ATAD3B: variants seen among roughly 807,000 people sequenced by gnomAD.
ATAD3B encodes ATPase family AAA domain containing 3B.
A neutral mutation model predicts 70.2 loss-of-function variants in ATAD3B; 59 were observed. That is an observed-to-expected ratio of 0.84 (90% CI 0.68 to 1.04). ATAD3B has a LOEUF of 1.04. ATAD3B is among the 50% of genes least tolerant of loss of function. ATAD3B has a pLI of 0.00. For synonymous variants in ATAD3B, 423 were observed against 388.6 expected (o/e 1.09, Z -1.04); for missense variants, 961 against 913.4 (o/e 1.05, Z -0.67).
At position 1,490,261 on chromosome 1, in the gene ATAD3B, A is replaced by G. The variant is rs750115246; in HGVS notation, c.1342A>G (p.Met448Val). 6.2e-7 allele frequency: 1 copy of G among 1,612,300 alleles called. No individual in the cohort carries two copies. The highest frequency in any genetic ancestry group is 1.1e-5 in the South Asian group (1 of 90,988). The change falls in exon 14 of 16, where the codon ATG (methionine) becomes GTG (valine). Residue 448 changes from methionine to valine, a missense_variant. Physicochemically the swap from Met to Val is conservative, Grantham distance 21. Around this residue, in one of 4 missense-constraint regions of ATAD3B, gnomAD observed 417 missense variants for 335.0 expected, o/e 1.24. Transcript: ENST00000673477. ...YHMGQHSNKF[M>V]LVLASNLPEQ... The stretch of plus-strand genomic sequence containing the variant: ...TTCCCCATCCCTGTCCTACAGATTC[A>G]TGCTGGTCCTGGCCAGCAATCTGCC...
chr1:1,506,338 G>T, the ATAD3B span, among the ~76,000 whole-genome samples: 1 of 151,816 alleles, frequency 6.6e-6, no homozygotes. Flanking sequence ...AAAATAATTC[G>T]GGTTTTACAG....
rs61777878 is a variant in ATAD3B at position 1,490,031 on chromosome 1, C to G, written c.1338-226C>G. On this transcript the variant is annotated intron_variant, in intron 13 of 15. Transcript: ENST00000673477. ...GTCAGCGGGGAAGTACCACACAGGGCAAGAACAGAGGCCCGAGAAGCCGGG... is the reference window on the plus strand; with the variant it reads ...GTCAGCGGGGAAGTACCACACAGGGGAAGAACAGAGGCCCGAGAAGCCGGG... 7 of 1,387,346 alleles carry G rather than the reference C, an allele frequency of 5.0e-6. No homozygotes were observed. The East Asian group carries it at 1.1e-4, about 22-fold the overall frequency. The allele number at this position is 1,387,346 out of a possible 1,614,324, so 85.9% of individuals were successfully genotyped here.
chr1:1,502,037 C>T (rs1377947362), downstream of ATAD3B, among the ~76,000 whole-genome samples: 1 of 151,898 alleles, frequency 6.6e-6, no homozygotes, highest in Non-Finnish European at 1.5e-5. Flanking sequence ...CACCACCATG[C>T]CCAGCTAGTT....
rs763405304 is a variant in ATAD3B at position 1,480,930 on chromosome 1, C to T, written c.508C>T (p.Arg170Trp). The change falls in exon 5 of 16, where the codon CGG becomes TGG. Residue 170 changes from arginine (R) to tryptophan (W), a missense_variant. By Grantham distance (101) the Arg-to-Trp change is moderately radical. Around this residue, in one of 4 missense-constraint regions of ATAD3B, gnomAD observed 187 missense variants for 244.3 expected, o/e 0.77. Coordinates refer to ENST00000673477, the MANE Select transcript of ATAD3B (RefSeq NM_031921.6). ...GTCCGTGCAGAAGCAGGAAGCCATG[C>T]GGCGAGGTAGGCTGTCTGCTCTCCT... Reference protein sequence around the residue: ...EESVQKQEAMRRATVEREMEL... With the variant: ...EESVQKQEAMWRATVEREMEL... 1.7e-5 allele frequency: 27 copies of T among 1,592,038 alleles called. 1 individual carries two copies. The highest frequency in any genetic ancestry group is 2.2e-5 in the South Asian group (2 of 89,594).
At chr1:1,504,638 G>A in the ATAD3B span, among the ~76,000 whole-genome samples, 1 of 150,060 alleles carries the variant, frequency 6.7e-6, no homozygotes, top group Non-Finnish European at 1.5e-5. Flanking sequence ...CAACAAGAGG[G>A]AAACTCTGTC....
intron 15 of ATAD3B, among the ~76,000 whole-genome samples, chr1:1,494,803 C>T (rs147729394): frequency 0.01 from 1,575 of 152,148 alleles, 19 homozygotes; most frequent in African/African-American, 0.036. Flanking sequence ...TGGTGCACTC[C>T]TGAGCACGGC....
the ATAD3B span, among the ~76,000 whole-genome samples, chr1:1,508,948 G>T: frequency 1.3e-5 from 2 of 151,694 alleles, no homozygotes; most frequent in Non-Finnish European, 2.9e-5. Context: ...GTGAGGCTCC[G>T]CCTTGGGCTT....
At chr1:1,499,586 C>CTTTTTTTT (rs71578322), downstream of ATAD3B, among the ~76,000 whole-genome samples, 5 of 65,772 alleles carry the variant, frequency 7.6e-5, no homozygotes, top group Non-Finnish European at 1.1e-4. Context: ...CCAAACAGCT[C>CTTTTTTTT]TTTTTTTTTT....
chr1:1,490,171 C>G (rs1398174053), intron 13 of ATAD3B, 86 bp from the exon 14 acceptor site: 2 of 1,544,252 alleles, frequency 1.3e-6, no homozygotes, highest in East Asian at 4.5e-5. Context: ...CAAAAAGTCT[C>G]CCCGAGGGGG....
rs902434978 is a variant in ATAD3B, at chr1:1,496,197, G to A, written c.*380G>A. 20 of 1,019,176 alleles carry A rather than the reference G, an allele frequency of 2.0e-5. No individual in the cohort carries two copies. The African/African-American group carries it at 2.9e-4, about 15-fold the overall frequency. The allele number at this position is 1,019,176 out of a possible 1,614,324, so 63.1% of individuals were successfully genotyped here. On this transcript the variant is annotated 3_prime_UTR_variant, in exon 16 of 16. Transcript: ENST00000673477. ...GTTTATCTAATAAAGTCCCACAGGT[G>A]CCTCACCGCCGTGTCTCTCTATTGA...
chr1:1,483,853 C>T (rs1640056718), intron 7 of ATAD3B: 1 of 152,216 alleles, frequency 6.6e-6, no homozygotes, highest in South Asian at 2.1e-4. Flanking sequence ...TCAGGTGACA[C>T]CGTCTCACCA....
downstream of ATAD3B, among the ~76,000 whole-genome samples, chr1:1,498,529 G>A (rs1275777385): frequency 6.6e-6 from 1 of 151,662 alleles, no homozygotes; most frequent in Non-Finnish European, 1.5e-5. Flanking sequence ...TGGGGATGGG[G>A]TCGGTGGGTG....
chr1:1,502,692 A>C (rs925356820), downstream of ATAD3B, among the ~76,000 whole-genome samples: 1 of 146,608 alleles, frequency 6.8e-6, no homozygotes, highest in Non-Finnish European at 1.5e-5. Context: ...TTTGTATTTT[A>C]GTAGAGACCG....
chr1:1,474,996 C>G (rs1403417768), intron 1 of ATAD3B, among the ~76,000 whole-genome samples: 10 of 149,180 alleles, frequency 6.7e-5, no homozygotes, highest in African/African-American at 2.0e-4. Flanking sequence ...CTTCCAGAAG[C>G]TGAATCGTAG....
intron 1 of ATAD3B, among the ~76,000 whole-genome samples, chr1:1,476,436 AAG>A (rs1639592810): frequency 6.6e-6 from 1 of 151,496 alleles, no homozygotes; most frequent in Non-Finnish European, 1.5e-5. Flanking sequence ...CTGCGGGAGG[AAG>A]AGAGACGGGA....
chr1:1,499,003 A>C (rs570788882), downstream of ATAD3B, among the ~76,000 whole-genome samples: 53 of 146,236 alleles, frequency 3.6e-4, no homozygotes, highest in African/African-American at 1.3e-3. Flanking sequence ...ACAGAGTCTC[A>C]TGCTGTCGCC....
the ATAD3B span, among the ~76,000 whole-genome samples, chr1:1,507,160 G>A: frequency 1.3e-5 from 2 of 152,134 alleles, no homozygotes; most frequent in Non-Finnish European, 2.9e-5. Flanking sequence ...TCCCTTTTCA[G>A]TTTGGATGAC....
chr1:1,484,856 G>A, intron 7 of ATAD3B, 160 bp from the exon 8 acceptor site: 1 of 1,415,590 alleles, frequency 7.1e-7, no homozygotes, highest in South Asian at 1.5e-5. Flanking sequence ...CCGCGTGGCT[G>A]TGGGATTCGG....
chr1:1,501,556 A>C (rs1001606995), downstream of ATAD3B, among the ~76,000 whole-genome samples: 11 of 151,554 alleles, frequency 7.3e-5, no homozygotes, highest in African/African-American at 2.7e-4. Flanking sequence ...TGCCCGGCCT[A>C]ATTTTTGTAT....
Sources: gnomAD v4.1 joint callset for allele counts (sites outside exome capture counted in the v4.1 genomes callset) on GRCh38, gnomAD v4.1.1 for gene constraint, gnomAD v4.1.1 regional missense constraint, MANE v1.5 for transcripts, NCBI Gene and HGNC (gene_info 2026-07-23, HGNC 2026-07-21) for gene names.